HERC1: variants seen among roughly 807,000 people sequenced by gnomAD.
HERC1 encodes probable E3 ubiquitin-protein ligase HERC1.
Under a neutral mutation model 554.3 loss-of-function variants are expected in HERC1, and 160 were observed. That is an observed-to-expected ratio of 0.29 (90% confidence interval 0.25 to 0.33). The LOEUF (loss-of-function observed/expected upper bound fraction) is 0.33, where lower values mean the gene tolerates loss of function less well. Among genes scored for constraint, HERC1 ranks in the 10% least tolerant of loss-of-function variants. HERC1 has a pLI of 1.00. For missense variants in HERC1, 4,919 were observed against 5,918.5 expected, an observed-to-expected ratio of 0.83 and a Z score of 5.54; for synonymous variants, 2,175 against 2,131.7, an observed-to-expected ratio of 1.02 and a Z score of -0.56.
chr15:63,700,264 G>A (rs905009046), intron 25 of HERC1, among the ~76,000 whole-genome samples: 1 of 151,642 alleles, frequency 6.6e-6, no homozygotes, highest in African/African-American at 2.4e-5. Context: ...TGTAACCATG[G>A]TTCATTTATT....
chr15:63,659,904 C>T lies in HERC1; in HGVS notation c.9256G>A (p.Glu3086Lys). Residue 3086 changes from glutamate (E) to lysine (K), a missense_variant, in exon 47 of 78, where the codon GAA becomes AAA. Coordinates refer to ENST00000443617, the MANE Select transcript of HERC1 (RefSeq NM_003922.4). The part of the protein sequence containing the change: ...DWDMLDVDED[E>K]KLTGEEEFEL... ...AATTCTTCTTCACCAGTTAGCTTTT[C>T]ATCTTCATCAACATCCAACATGTCC... The T allele has an allele frequency of 1.2e-6, 2 of 1,613,514 alleles. No individual in the cohort carries two copies. The highest frequency in any genetic ancestry group is 1.7e-6 in the Non-Finnish European group (2 of 1,179,532).
chr15:63,661,762 C>T lies in HERC1; in HGVS notation c.9161G>A (p.Ser3054Asn), dbSNP rs1471848580. The T allele has an allele frequency of 2.5e-6, 4 of 1,613,926 alleles. No individual in the cohort carries two copies. The South Asian group carries it at 4.4e-5, about 18-fold the overall frequency. Residue 3054 changes from serine (S) to asparagine (N), a missense_variant, in exon 45 of 78, where the codon AGT becomes AAT. Ser to Asn is a conservative substitution (Grantham distance 46). Transcript: ENST00000443617. ...CACAATTTCAAGGTACCTTTCAGAACTTGTTGACTTAGATTTGGTCTTCAT... is the reference window on the plus strand; with the variant it reads ...CACAATTTCAAGGTACCTTTCAGAATTTGTTGACTTAGATTTGGTCTTCAT... ...LAMKTKSKSTSSERYKGQAPD... is the reference protein window; with the variant it reads ...LAMKTKSKSTNSERYKGQAPD...
intron 2 of HERC1, among the ~76,000 whole-genome samples, chr15:63,769,930 GAC>G (rs2075898306): frequency 6.6e-6 from 1 of 152,088 alleles, no homozygotes; most frequent in African/African-American, 2.4e-5. Context: ...CATACTAAAT[GAC>G]AATTTTTTTC....
At chr15:63,739,802 C>T (rs2074716932) in intron 12 of HERC1, among the ~76,000 whole-genome samples, 1 of 152,188 alleles carries the variant, frequency 6.6e-6, no homozygotes, top group African/African-American at 2.4e-5. Flanking sequence ...CGAGCCACTG[C>T]ACTCCAGCTT....
Position 63,733,021 on chromosome 15 carries a change from AG to A in HERC1, c.2770del (p.Leu924CysfsTer21). 1 of 1,614,002 alleles carries A rather than the reference AG, an allele frequency of 6.2e-7. No homozygotes were observed. The highest frequency in any genetic ancestry group is 8.5e-7 in the Non-Finnish European group (1 of 1,179,874). On this transcript the variant is annotated frameshift_variant, in exon 14 of 78. Transcript: ENST00000443617. LOFTEE classifies it high-confidence loss of function. ...CTGAGTGCCGTAAGGTTGATCTGACAGATTTCCGTAGCCAGTACACACAGAA... is the reference window on the plus strand; with the variant it reads ...CTGAGTGCCGTAAGGTTGATCTGACAATTTCCGTAGCCAGTACACACAGAA... ...LSSVCTGYGNLSDQPYGTQSC... is the reference protein window; with the variant it reads ...LSSVCTGYGNXSDQPYGTQSC...
intron 66 of HERC1, among the ~76,000 whole-genome samples, 166 bp from the exon 67 acceptor site, chr15:63,634,136 G>A (rs527798624): frequency 6.6e-6 from 1 of 152,282 alleles, no homozygotes; most frequent in East Asian, 1.9e-4. Flanking sequence ...AAGTCAACAA[G>A]AAATAATTCT....
chr15:63,821,554 CAAAAAA>C (rs35580549), intron 1 of HERC1, among the ~76,000 whole-genome samples: 1 of 62,394 alleles, frequency 1.6e-5, no homozygotes, highest in Non-Finnish European at 3.1e-5. Flanking sequence ...GACTCTGTCT[CAAAAAA>C]AAAAAAAAAA....
chr15:63,783,346 C>A (rs1470605415), intron 1 of HERC1, among the ~76,000 whole-genome samples: 1 of 152,146 alleles, frequency 6.6e-6, no homozygotes, highest in Non-Finnish European at 1.5e-5. Context: ...CAAGGCAAGA[C>A]CCTCCATGAG....
At chr15:63,711,039 T>C (rs2073267369) in intron 24 of HERC1, among the ~76,000 whole-genome samples, 2 of 152,126 alleles carry the variant, frequency 1.3e-5, no homozygotes, top group Non-Finnish European at 2.9e-5. Flanking sequence ...TTCAAAATTA[T>C]TGCAGGGTTG....
chr15:63,831,127 G>A (rs774732984), intron 1 of HERC1, among the ~76,000 whole-genome samples: 5 of 152,168 alleles, frequency 3.3e-5, no homozygotes. Context: ...TTGCTTTTGA[G>A]ATAGAGTCTC....
chr15:63,685,402 G>A (rs1349800934), intron 34 of HERC1, among the ~76,000 whole-genome samples: 1 of 152,176 alleles, frequency 6.6e-6, no homozygotes, highest in Non-Finnish European at 1.5e-5. Context: ...TAAATTCTTT[G>A]TTTCCAAGGG....
chr15:63,814,045 G>A (rs975071601), intron 1 of HERC1, among the ~76,000 whole-genome samples: 5 of 151,892 alleles, frequency 3.3e-5, no homozygotes, highest in East Asian at 1.9e-4. Context: ...GGTGACAAGC[G>A]CAAAACTCCA....
At chr15:63,809,008 T>G (rs2077216652) in intron 1 of HERC1, among the ~76,000 whole-genome samples, 1 of 151,964 alleles carries the variant, frequency 6.6e-6, no homozygotes, top group South Asian at 2.1e-4. Flanking sequence ...AAATAAAAAA[T>G]GAAGAAATAG....
chr15:63,814,833 AACCT>A (rs964457293), intron 1 of HERC1, among the ~76,000 whole-genome samples: 38 of 152,320 alleles, frequency 2.5e-4, no homozygotes, highest in African/African-American at 8.2e-4. Flanking sequence ...GAAAATATGA[AACCT>A]ACCTGTCTAC....
rs753709716 is a variant in HERC1, at chr15:63,651,347, G to T, written c.10452C>A (p.Pro3484=). ...EGDAEESLGS[P]SDPSFSPVSW... is the part of the protein sequence containing the mutation. Reference sequence around the variant, plus strand: ...AAACTGGTGAGAAACTTGGATCACTGGGTGATCCCAGGCTTTCCTCAGCAT... The same window carrying T: ...AAACTGGTGAGAAACTTGGATCACTTGGTGATCCCAGGCTTTCCTCAGCAT... Residue 3484 remains proline (P), a synonymous_variant, in exon 53 of 78, where the codon CCC becomes CCA. Transcript: ENST00000443617. 1.9e-5 allele frequency: 30 copies of T among 1,612,130 alleles called. No individual in the cohort carries two copies. The highest frequency in any genetic ancestry group is 2.3e-5 in the Non-Finnish European group (27 of 1,178,298).
At chr15:63,625,798 C>G (rs1365216287) in intron 71 of HERC1, 187 bp downstream of exon 71, 2 of 693,362 alleles carry the variant, frequency 2.9e-6, no homozygotes, top group African/African-American at 3.6e-5. Context: ...CTCTGTCCAG[C>G]AGCATCATGT....
intron 24 of HERC1, among the ~76,000 whole-genome samples, chr15:63,710,380 G>C (rs571966699): frequency 6.6e-6 from 1 of 152,204 alleles, no homozygotes; most frequent in Admixed American, 6.5e-5. Flanking sequence ...ACAGGTAATA[G>C]GGCACTTCAA....
At position 63,727,283 on chromosome 15, in the gene HERC1, G is replaced by GA. The variant is rs1252351483; in HGVS notation, c.3346+363dup. 6.6e-6 allele frequency among the ~76,000 whole-genome samples: 1 copy of GA among 151,694 alleles called. No homozygotes were observed. Among genetic ancestry groups the GA allele is most frequent in the African/African-American group, 2.4e-5 (1 of 41,320 alleles). On this transcript the variant is annotated intron_variant, in intron 17 of 77. Transcript: ENST00000443617. The surrounding 1 kb of genome is among the most constrained non-coding windows in gnomAD (Gnocchi z 4.3). ...AGAGCAAGACTCCATCTCAAAAAAA[G>GA]AAAAAAGGAAAGAATAAATTTGGAA...
intron 22 of HERC1, 113 bp downstream of exon 22, chr15:63,716,189 T>C (rs1199940307): frequency 1.3e-5 from 12 of 929,338 alleles, no homozygotes; most frequent in Non-Finnish European, 1.8e-5. Context: ...CAGCAGAATA[T>C]AAAGTCCTTT....
Sources: gnomAD v4.1 joint callset for allele counts (sites outside exome capture counted in the v4.1 genomes callset) on GRCh38, gnomAD v4.1.1 for gene constraint, Gnocchi (gnomAD v3.1) non-coding constraint, MANE v1.5 for transcripts, NCBI Gene and HGNC (gene_info 2026-07-23, HGNC 2026-07-21) for gene names.